Variants in LRRK1 observed in about 807,000 individuals in gnomAD.
The protein encoded by LRRK1 is leucine rich repeat kinase 1, also known as leucine-rich repeat serine/threonine-protein kinase 1.
Under a neutral mutation model 209.1 loss-of-function variants are expected in LRRK1, and 113 were observed. The ratio of observed to expected loss-of-function variants is 0.54; its 90% CI spans 0.46 to 0.63. The LOEUF is 0.63. Ranked by LOEUF, LRRK1 falls within the 30% of genes least tolerant of loss-of-function variation. The probability of loss-of-function intolerance (pLI) is 0.00; values close to 1 mark genes in which losing one functional copy is unlikely to be tolerated. For missense variants in LRRK1, 2,284 were observed against 2,632.2 expected, an observed-to-expected ratio of 0.87 and a Z score of 2.89; for synonymous variants, 1,144 against 1,099.7, an observed-to-expected ratio of 1.04 and a Z score of -0.80.
Position 101,051,882 on chromosome 15 carries a change from C to T in LRRK1, c.3611C>T (p.Ser1204Phe). Residue 1204 changes from serine to phenylalanine, a missense_variant, in exon 24 of 34, where the codon TCC becomes TTC. Ser to Phe is a radical substitution (Grantham distance 155, BLOSUM62 -2). Transcript: ENST00000388948. ...VLTAIERDFISCPRHPDLPVP... is the reference protein window; with the variant it reads ...VLTAIERDFIFCPRHPDLPVP... ...ACGGCCATCGAGCGGGACTTCATCT[C>T]CTGCCCCAGACACCCGGACCTCCCC... 6.2e-7 allele frequency: 1 copy of T among 1,614,090 alleles called. No individual in the cohort carries two copies. Among genetic ancestry groups the T allele is most frequent in the Non-Finnish European group, 8.5e-7 (1 of 1,180,018 alleles).
Position 100,973,915 on chromosome 15 carries a change from C to T in LRRK1, c.209C>T (p.Ala70Val). 1.6e-6 allele frequency: 2 copies of T among 1,265,616 alleles called. No individual in the cohort carries two copies. Among genetic ancestry groups the T allele is most frequent in the South Asian group, 5.8e-5 (2 of 34,354 alleles). The allele number at this position is 1,265,616 out of a possible 1,614,324, so 78.4% of individuals were successfully genotyped here. A position where few individuals can be genotyped will look rare whatever the true frequency, so the allele number is the denominator to read the frequency against. Residue 70 changes from alanine to valine, a missense_variant, in exon 3 of 34, where the codon GCC (alanine) becomes GTC (valine). Around this residue, in one of 6 missense-constraint regions of LRRK1, gnomAD observed 174 missense variants for 133.5 expected, o/e 1.30. Transcript: ENST00000388948. ...TACAGGCGGGGAGACCGCGGCGGCG[C>T]CCGGGACCTGCTGGAGGAGGCCTGC... ...AAYRRGDRGG[A>V]RDLLEEACDQ...
At chr15:100,968,148 A>G (rs2030595733) in intron 2 of LRRK1, among the ~76,000 whole-genome samples, 1 of 152,140 alleles carries the variant, frequency 6.6e-6, no homozygotes, top group Non-Finnish European at 1.5e-5. Context: ...TCTTTCACTC[A>G]GCATTATTTT....
chr15:101,059,235 A>C (rs1253232398), intron 29 of LRRK1, among the ~76,000 whole-genome samples: 3 of 152,040 alleles, frequency 2.0e-5, no homozygotes, highest in Non-Finnish European at 4.4e-5. Context: ...ACAAAAATAA[A>C]TAAATAACAA....
At chr15:101,019,915 G>C (rs532931144) in intron 12 of LRRK1, among the ~76,000 whole-genome samples, 1 of 152,116 alleles carries the variant, frequency 6.6e-6, no homozygotes, top group Admixed American at 6.5e-5. Context: ...TCTGGTGCCC[G>C]TGGAAACAGC....
intron 2 of LRRK1, among the ~76,000 whole-genome samples, chr15:100,939,875 G>T (rs1257905653): frequency 1.3e-5 from 2 of 152,158 alleles, no homozygotes; most frequent in African/African-American, 4.8e-5. Context: ...GCCAATGAAG[G>T]TGGGGTTTTT....
chr15:101,026,350 T>C (rs1363944399), intron 17 of LRRK1, among the ~76,000 whole-genome samples: 1 of 152,242 alleles, frequency 6.6e-6, no homozygotes, highest in Non-Finnish European at 1.5e-5. Context: ...CCCTCTTTGC[T>C]TCCTTTCTGC....
At chr15:100,964,725 G>A (rs952117141) in intron 2 of LRRK1, among the ~76,000 whole-genome samples, 1 of 152,212 alleles carries the variant, frequency 6.6e-6, no homozygotes, top group Non-Finnish European at 1.5e-5. Flanking sequence ...ACTTCAGATT[G>A]ACCAAAAACA....
rs894895429 is a variant in LRRK1, at chr15:101,063,531, G to C, written c.4914+841G>C. On this transcript the variant is annotated intron_variant, in intron 31 of 33. Transcript: ENST00000388948. ...TCCTCCGCCCACAGGATTCAGGCAC[G>C]GCTCAGCCAGCTCTGGTTTCATCCA... Among the ~76,000 whole-genome samples, 4 of 152,340 alleles carry C rather than the reference G, an allele frequency of 2.6e-5. No individual in the cohort carries two copies. The East Asian group carries it at 7.7e-4, about 29-fold the overall frequency.
At chr15:101,009,474 C>T (rs2033133312) in intron 7 of LRRK1, among the ~76,000 whole-genome samples, 1 of 152,232 alleles carries the variant, frequency 6.6e-6, no homozygotes, top group African/African-American at 2.4e-5. Context: ...AGCAGGTGGA[C>T]AGTGTGGGCA....
intron 12 of LRRK1, 29 bp downstream of exon 12, chr15:101,015,431 C>A: frequency 1.3e-6 from 2 of 1,559,518 alleles, no homozygotes; most frequent in East Asian, 4.5e-5. Context: ...ACGGTGTTCC[C>A]AGATGAGACA....
At chr15:100,953,129 T>C (rs1329458353) in intron 2 of LRRK1, among the ~76,000 whole-genome samples, 1 of 152,146 alleles carries the variant, frequency 6.6e-6, no homozygotes, top group Non-Finnish European at 1.5e-5. Context: ...TGTGTGCCCG[T>C]GTGTATTAAC....
intron 2 of LRRK1, among the ~76,000 whole-genome samples, chr15:100,945,516 CAG>C (rs1338104052): frequency 0.021 from 1,310 of 62,958 alleles, 43 homozygotes; most frequent in African/African-American, 0.069. Flanking sequence ...TTTTTTTTGA[CAG>C]AGTCTTGCTC....
chr15:100,936,944 C>T (rs186485076), intron 2 of LRRK1, among the ~76,000 whole-genome samples: 7 of 152,320 alleles, frequency 4.6e-5, no homozygotes, highest in Admixed American at 3.9e-4. Context: ...CTTCAACCAA[C>T]ATAAGTTTGA....
chr15:100,962,794 CAT>C (rs769399875), intron 2 of LRRK1, among the ~76,000 whole-genome samples: 1,273 of 39,346 alleles, frequency 0.032, 98 homozygotes, highest in East Asian at 0.04. Flanking sequence ...TTTCATTTTG[CAT>C]ATATATATAT....
chr15:100,998,705 T>C (rs1445362320), intron 6 of LRRK1, among the ~76,000 whole-genome samples: 2 of 151,654 alleles, frequency 1.3e-5, no homozygotes, highest in East Asian at 3.9e-4. Context: ...CAGTGGATGG[T>C]TGCATGGATG....
chr15:100,954,545 G>A lies in LRRK1; in HGVS notation c.98-19259G>A, dbSNP rs528305091. 3.3e-5 allele frequency among the ~76,000 whole-genome samples: 5 copies of A among 152,242 alleles called. No homozygotes were observed. The South Asian group carries it at 8.3e-4, about 25-fold the overall frequency. ...TGTGCTTTGGTTGCCTGTACTTTCA[G>A]TGTCATATAGGAAAGATCATTGCCA... On this transcript the variant is annotated intron_variant, in intron 2 of 33. Transcript: ENST00000388948.
chr15:101,068,134 A>ACACC (rs2036636702), intron 33 of LRRK1, among the ~76,000 whole-genome samples: 1 of 152,232 alleles, frequency 6.6e-6, no homozygotes, highest in South Asian at 2.1e-4. Flanking sequence ...CCTGTAGCAC[A>ACACC]CACCCACCGA....
At chr15:101,061,696 A>G (rs1242023411) in intron 30 of LRRK1, among the ~76,000 whole-genome samples, 2 of 152,238 alleles carry the variant, frequency 1.3e-5, no homozygotes, top group African/African-American at 4.8e-5. Flanking sequence ...AGAAGTCCCG[A>G]GACAACTGGC....
At chr15:101,042,321 T>A (rs2034802053) in intron 20 of LRRK1, among the ~76,000 whole-genome samples, 1 of 120 alleles carries the variant, frequency 8.3e-3, no homozygotes, top group East Asian at 0.25. Context: ...CATTTTTCTG[T>A]CAGTCTTTTT....
Sources: allele counts gnomAD v4.1 joint callset (sites outside exome capture counted in the v4.1 genomes callset), GRCh38; gene constraint gnomAD v4.1.1; regional missense constraint gnomAD v4.1.1; transcripts MANE v1.5; gene names NCBI Gene and HGNC (gene_info 2026-07-23, HGNC 2026-07-21).